The following POP1 variants were observed in gnomAD, a reference collection of about 807,000 sequenced individuals.
POP1 encodes the protein POP1 ribonuclease P/MRP subunit.
In POP1, 75 loss-of-function variants were observed where a neutral mutation model predicts 102.2. The observed-to-expected ratio is 0.73, with a 90% CI of 0.61 to 0.89. The LOEUF (loss-of-function observed/expected upper bound fraction) is 0.89. Ranked by LOEUF, POP1 falls within the 40% of genes least tolerant of loss-of-function variation. The pLI, the probability that POP1 is intolerant of heterozygous loss-of-function variation, is 0.00. For synonymous variants in POP1, 436 were observed against 464.1 expected, an observed-to-expected ratio of 0.94 and a Z score of 0.78; for missense variants, 1,116 against 1,267.4, an observed-to-expected ratio of 0.88 and a Z score of 1.81.
intron 9 of POP1, among the ~76,000 whole-genome samples, chr8:98,138,106 A>G (rs1313342574): frequency 1.3e-5 from 2 of 152,246 alleles, no homozygotes; most frequent in Non-Finnish European, 2.9e-5. Context: ...AAAGGATTCT[A>G]GAGGGAACCT....
Position 98,127,671 on chromosome 8 carries a change from G to C in POP1, c.219G>C (p.Glu73Asp). The C allele has an allele frequency of 1.2e-6, 2 of 1,614,164 alleles. No individual in the cohort carries two copies. The highest frequency in any genetic ancestry group is 1.7e-6 in the Non-Finnish European group (2 of 1,180,020). ...CTCTGCCTGACCCTGAAGTGAATGA[G>C]CAGTCTTCCTCCAAAGGGATGTTTA... The part of the protein sequence containing the change: ...PHSLPDPEVN[E>D]QSSSKGMFRK... The change falls in exon 3 of 16, where the codon GAG (glutamate) becomes GAC (aspartate). Residue 73 changes from glutamate to aspartate, a missense_variant. Coordinates refer to ENST00000401707, the MANE Select transcript of POP1 (RefSeq NM_001145860.2).
In POP1 at chr8:98,150,562, A is replaced by G. The variant is rs1431510525; in HGVS notation, c.1980A>G (p.Pro660=). ...AGTATAAGAGGTCGCCTAATGTCCCAGGCGATTTTCCAGACTGCCCTGCCG... is the reference window on the plus strand; with the variant it reads ...AGTATAAGAGGTCGCCTAATGTCCCGGGCGATTTTCCAGACTGCCCTGCCG... ...HSQYKRSPNV[P]GDFPDCPAGM... The change falls in exon 14 of 16, where the codon CCA becomes CCG. Residue 660 remains proline (P), a synonymous_variant. Coordinates refer to ENST00000401707, the MANE Select transcript of POP1 (RefSeq NM_001145860.2). The G allele has an allele frequency of 3.7e-6, 6 of 1,614,100 alleles. No individual in the cohort carries two copies. In the Admixed American group the frequency reaches 1.0e-4, roughly 27 times the overall value.
intron 1 of POP1, 104 bp from the exon 2 acceptor site, chr8:98,123,232 A>G (rs750700887): frequency 2.1e-5 from 28 of 1,362,348 alleles, no homozygotes; most frequent in Non-Finnish European, 2.7e-5. Context: ...CTCTTCCATC[A>G]ATAGACTTAT....
chr8:98,139,319 T>C (rs1816640177), intron 9 of POP1, among the ~76,000 whole-genome samples: 1 of 152,232 alleles, frequency 6.6e-6, no homozygotes, highest in Non-Finnish European at 1.5e-5. Context: ...CTAGGAATAA[T>C]GTAGTAGTAG....
Position 98,136,413 on chromosome 8 carries a change from C to A in POP1, c.1012-69C>A, listed in dbSNP as rs115741751. The A allele has an allele frequency of 0.042, 60,653 of 1,451,526 alleles. 1,619 individuals carry two copies. The highest frequency in any genetic ancestry group is 0.15 in the African/African-American group (10,046 of 68,064). The allele number at this position is 1,451,526 out of a possible 1,614,324, so 89.9% of individuals were successfully genotyped here. A position where few individuals can be genotyped will look rare whatever the true frequency, so the allele number is the denominator to read the frequency against. On this transcript the variant is annotated intron_variant, in intron 7 of 15. Transcript: ENST00000401707. ...TTTTAAAGAGATTTAAAAAAAAAAA[C>A]CCAACTAAATTTGTCGTAATATATT... is the stretch of plus-strand genomic sequence containing the variant.
chr8:98,158,235 G>C lies in POP1; in HGVS notation c.3039G>C (p.Leu1013=). The C allele has an allele frequency of 6.2e-7, 1 of 1,611,888 alleles. No individual in the cohort carries two copies. Among genetic ancestry groups the C allele is most frequent in the Non-Finnish European group, 8.5e-7 (1 of 1,180,026 alleles). ...GLVLLRPPAS[L]QYRFARIAIE... ...TGCTACTGAGGCCTCCCGCCTCTCTGCAGTATCGATTTGCGAGGATTGCTA... is the reference window on the plus strand; with the variant it reads ...TGCTACTGAGGCCTCCCGCCTCTCTCCAGTATCGATTTGCGAGGATTGCTA... Residue 1013 remains leucine, a synonymous_variant, in exon 16 of 16, where the codon CTG becomes CTC. Transcript: ENST00000401707.
intron 14 of POP1, among the ~76,000 whole-genome samples, chr8:98,154,918 T>C (rs534501938): frequency 6.6e-6 from 1 of 152,138 alleles, no homozygotes; most frequent in African/African-American, 2.4e-5. Flanking sequence ...CAAAAAGTAC[T>C]GTACCTAGTA....
Position 98,158,008 on chromosome 8 carries a change from G to T in POP1, c.2812G>T (p.Ala938Ser). Reference sequence around the variant, plus strand: ...TGGCCCGGCGGGGGAAGAGCCCGTGGCTGGGCAGGAAGCTCTGACTCTAGG... The same window carrying T: ...TGGCCCGGCGGGGGAAGAGCCCGTGTCTGGGCAGGAAGCTCTGACTCTAGG... ...SDGPAGEEPV[A>S]GQEALTLGLW... is the part of the protein sequence containing the mutation. Residue 938 changes from alanine (A) to serine (S), a missense_variant, in exon 16 of 16, where the codon GCT (alanine) becomes TCT (serine). Coordinates refer to ENST00000401707, the MANE Select transcript of POP1 (RefSeq NM_001145860.2). The T allele has an allele frequency of 6.2e-7, 1 of 1,612,254 alleles. No homozygotes were observed.
intron 11 of POP1, among the ~76,000 whole-genome samples, chr8:98,144,919 G>T (rs932041464): frequency 3.3e-5 from 5 of 152,030 alleles, no homozygotes; most frequent in Non-Finnish European, 7.4e-5. Context: ...ACAGGGTCTG[G>T]CTCTGTCACC....
chr8:98,154,076 T>A (rs1020605530), intron 14 of POP1, among the ~76,000 whole-genome samples: 1 of 152,148 alleles, frequency 6.6e-6, no homozygotes, highest in East Asian at 1.9e-4. Flanking sequence ...AGAGAGGCTG[T>A]TGGAGATTTG....
intron 5 of POP1, among the ~76,000 whole-genome samples, chr8:98,131,584 A>G (rs2130593157): frequency 6.6e-6 from 1 of 152,338 alleles, no homozygotes; most frequent in Non-Finnish European, 1.5e-5. Flanking sequence ...ATATCGTTAC[A>G]GTCCCTGCTT....
chr8:98,137,570 G>A (rs981567647), intron 9 of POP1, among the ~76,000 whole-genome samples: 1 of 152,170 alleles, frequency 6.6e-6, no homozygotes, highest in African/African-American at 2.4e-5. Flanking sequence ...TTACAGGCAT[G>A]AGTCACCGCA....
At chr8:98,157,543 G>T (rs1422356570) in intron 15 of POP1, 74 bp from the exon 16 acceptor site, 18 of 1,506,632 alleles carry the variant, frequency 1.2e-5, no homozygotes, top group Non-Finnish European at 1.6e-5. Flanking sequence ...AATTCTAGCA[G>T]TGTCTAATCT....
chr8:98,154,743 T>C (rs1007001382), intron 14 of POP1, among the ~76,000 whole-genome samples: 1 of 152,060 alleles, frequency 6.6e-6, no homozygotes, highest in African/African-American at 2.4e-5. Context: ...TTAAAGACAA[T>C]CAAAATGTCC....
At position 98,157,785 on chromosome 8, in the gene POP1, G is replaced by T; in HGVS notation, c.2589G>T (p.Leu863=). 1 of 1,614,176 alleles carries T rather than the reference G, an allele frequency of 6.2e-7. No homozygotes were observed. The highest frequency in any genetic ancestry group is 1.3e-5 in the African/African-American group (1 of 75,032). ...PRALVWVSLS[L]LSKGSPEPHT... is the part of the protein sequence containing the mutation. ...CCCTGGTTTGGGTCAGCCTGTCCCT[G>T]CTCAGCAAGGGCAGCCCCGAGCCTC... The change falls in exon 16 of 16, where the codon CTG becomes CTT. Residue 863 remains leucine, a synonymous_variant. Transcript: ENST00000401707.
chr8:98,135,014 A>T (rs186244316), intron 7 of POP1, among the ~76,000 whole-genome samples: 12 of 152,268 alleles, frequency 7.9e-5, no homozygotes, highest in African/African-American at 2.6e-4. Flanking sequence ...ATGGTTTCTC[A>T]TGCCTGTAAT....
At chr8:98,140,489 GCT>G (rs1174354083) in intron 10 of POP1, among the ~76,000 whole-genome samples, 1 of 152,136 alleles carries the variant, frequency 6.6e-6, no homozygotes, top group Non-Finnish European at 1.5e-5. Flanking sequence ...CTGCATTTTT[GCT>G]CATAGCTGCT....
chr8:98,144,233 C>T (rs1272388381), intron 11 of POP1, among the ~76,000 whole-genome samples: 1 of 151,900 alleles, frequency 6.6e-6, no homozygotes, highest in Non-Finnish European at 1.5e-5. Context: ...AATAATACTC[C>T]TTTGGACATA....
Position 98,140,784 on chromosome 8 carries a change from C to A in POP1, c.1490C>A (p.Ala497Glu), listed in dbSNP as rs746810964. The A allele has an allele frequency of 6.2e-7, 1 of 1,613,918 alleles. No homozygotes were observed. The stretch of plus-strand genomic sequence containing the variant: ...GTTGTTAAAGGAATAACATCACCAG[C>A]AGAAATTCCGGCAGGTACTATTCTG... ...FELLGGITSP[A>E]EIPAGTILGL... Residue 497 changes from alanine (A) to glutamate (E), a missense_variant, in exon 11 of 16, where the codon GCA becomes GAA. Physicochemically the swap from Ala to Glu is moderately radical, Grantham distance 107. Transcript: ENST00000401707.
Sources: gnomAD v4.1 joint callset for allele counts (sites outside exome capture counted in the v4.1 genomes callset) on GRCh38, gnomAD v4.1.1 for gene constraint, MANE v1.5 for transcripts, NCBI Gene and HGNC (gene_info 2026-07-23, HGNC 2026-07-21) for gene names.